The following SAMD12 variants were observed in gnomAD, a reference collection of about 807,000 sequenced individuals.
SAMD12 encodes sterile alpha motif domain-containing protein 12.
Under a neutral mutation model 15.0 loss-of-function variants are expected in SAMD12, and 9 were observed. That is an observed-to-expected ratio of 0.60 (90% CI 0.36 to 1.05). The LOEUF (loss-of-function observed/expected upper bound fraction) is 1.05, where lower values mean the gene tolerates loss of function less well. Among genes scored for constraint, SAMD12 ranks in the 50% least tolerant of loss-of-function variants. The probability of loss-of-function intolerance (pLI) is 0.01; values close to 1 mark genes in which losing one functional copy is unlikely to be tolerated. For synonymous variants in SAMD12, 86 were observed against 90.1 expected, an observed-to-expected ratio of 0.96 and a Z score of 0.25; for missense variants, 230 against 234.2, an observed-to-expected ratio of 0.98 and a Z score of 0.12.
chr8:118,566,985 C>T (rs1215886485), intron 2 of SAMD12, among the ~76,000 whole-genome samples: 4 of 152,020 alleles, frequency 2.6e-5, no homozygotes, highest in Non-Finnish European at 4.4e-5. Flanking sequence ...CATGTTTTTT[C>T]CAAACCACCT....
chr8:118,217,492 A>T (rs956826931), intron 4 of SAMD12, among the ~76,000 whole-genome samples: 3 of 152,214 alleles, frequency 2.0e-5, no homozygotes, highest in Non-Finnish European at 4.4e-5. Flanking sequence ...TGCTTGAAAT[A>T]TTTGGAAGAA....
At chr8:118,168,073 A>T in the SAMD12 span, among the ~76,000 whole-genome samples, 1 of 152,150 alleles carries the variant, frequency 6.6e-6, no homozygotes, top group African/African-American at 2.4e-5. Flanking sequence ...GTCTCATGAA[A>T]TCTGATGAAT....
exon 5 of SAMD12, chr8:118,192,419 G>A (rs1819431606): frequency 6.6e-6 from 1 of 152,140 alleles, no homozygotes; most frequent in Admixed American, 6.6e-5. Flanking sequence ...AACCAGCAGA[G>A]TCTTCAGTGT....
the SAMD12 span, among the ~76,000 whole-genome samples, chr8:118,166,456 AAAG>A: frequency 6.6e-6 from 1 of 152,340 alleles, no homozygotes; most frequent in East Asian, 1.9e-4. Flanking sequence ...TTAAAGCAAG[AAAG>A]AATACAAAAA....
At chr8:118,403,324 T>C (rs2130792749) in intron 3 of SAMD12, among the ~76,000 whole-genome samples, 1 of 152,198 alleles carries the variant, frequency 6.6e-6, no homozygotes. Flanking sequence ...TGATATACTT[T>C]TATAAATATT....
intron 2 of SAMD12, among the ~76,000 whole-genome samples, chr8:118,456,820 A>G (rs1387693206): frequency 6.6e-6 from 1 of 152,230 alleles, no homozygotes; most frequent in Non-Finnish European, 1.5e-5. Flanking sequence ...GTCACTGTAC[A>G]CTTTTTATTC....
At chr8:118,565,925 G>A (rs1056274853) in intron 2 of SAMD12, among the ~76,000 whole-genome samples, 2 of 152,048 alleles carry the variant, frequency 1.3e-5, no homozygotes, top group East Asian at 3.9e-4. Context: ...TCTCCATTTA[G>A]ACTGACACCA....
intron 2 of SAMD12, among the ~76,000 whole-genome samples, chr8:118,555,295 T>G (rs1010402105): frequency 7.3e-4 from 111 of 152,358 alleles, no homozygotes; most frequent in African/African-American, 2.5e-3. Context: ...CTTTGTTTTC[T>G]TTAAATCGCT....
At chr8:118,212,496 A>G (rs1350297992) in intron 4 of SAMD12, among the ~76,000 whole-genome samples, 6 of 152,350 alleles carry the variant, frequency 3.9e-5, no homozygotes, top group African/African-American at 1.4e-4. Context: ...ATAAGTAAAC[A>G]TTTTGGATGT....
In SAMD12 at chr8:118,396,080, T is replaced by C. The variant is rs1820551285; in HGVS notation, c.323-16380A>G. On this transcript the variant is annotated intron_variant, in intron 3 of 3. Coordinates refer to ENST00000314727, the MANE Select transcript of SAMD12 (RefSeq NM_207506.3). ...TGTCCATTCATTCTTCTTCCAGCAA[T>C]AAGGTGTTCAATAACTTATATTTTA... Among the ~76,000 whole-genome samples, 3 of 152,190 alleles carry C rather than the reference T, an allele frequency of 2.0e-5. No homozygotes were observed. In the South Asian group the frequency reaches 6.2e-4, roughly 31 times the overall value.
chr8:118,378,849 C>T lies in SAMD12; in HGVS notation c.*568G>A, dbSNP rs1819517025. 2 of 984,830 alleles carry T rather than the reference C, an allele frequency of 2.0e-6. No homozygotes were observed. Among genetic ancestry groups the T allele is most frequent in the Non-Finnish European group, 2.4e-6 (2 of 829,366 alleles). The allele number at this position is 984,830 out of a possible 1,614,324, so 61.0% of individuals were successfully genotyped here. On this transcript the variant is annotated 3_prime_UTR_variant, in exon 4 of 4. Transcript: ENST00000314727. ...TTCTAGCTTTATTTTGTCACTTCCA[C>T]AGTTATTGAGATCTTAAGTGCTCTC...
chr8:118,292,649 C>G (rs867278511), intron 4 of SAMD12, among the ~76,000 whole-genome samples: 2 of 151,716 alleles, frequency 1.3e-5, no homozygotes, highest in African/African-American at 2.4e-5. Context: ...TTGGAACCAA[C>G]CCAAATGTCC....
intron 2 of SAMD12, among the ~76,000 whole-genome samples, chr8:118,520,604 A>G (rs1825362916): frequency 6.6e-6 from 1 of 152,210 alleles, no homozygotes; most frequent in Non-Finnish European, 1.5e-5. Flanking sequence ...CAGGCTCTCA[A>G]TGGCAGAATA....
chr8:118,548,591 G>A lies in SAMD12; in HGVS notation c.192+32124C>T, dbSNP rs150022196. ...ACAGCTCCAGTCTACAGCTCCCAGC[G>A]TGAGCGACGCAGAAGACGGGTGATT... On this transcript the variant is annotated intron_variant, in intron 2 of 3. Coordinates refer to ENST00000314727, the MANE Select transcript of SAMD12 (RefSeq NM_207506.3). Among the ~76,000 whole-genome samples, 23 of 152,324 alleles carry A rather than the reference G, an allele frequency of 1.5e-4. No homozygotes were observed. The South Asian group carries it at 1.7e-3, about 11-fold the overall frequency.
intron 4 of SAMD12, among the ~76,000 whole-genome samples, chr8:118,203,065 A>C (rs1216177466): frequency 6.6e-6 from 1 of 152,212 alleles, no homozygotes; most frequent in African/African-American, 2.4e-5. Flanking sequence ...GAATGCATAG[A>C]GCTGGGACTA....
chr8:118,490,330 C>T (rs1157161650), intron 2 of SAMD12, among the ~76,000 whole-genome samples: 1 of 152,116 alleles, frequency 6.6e-6, no homozygotes, highest in African/African-American at 2.4e-5. Flanking sequence ...ATACTTCAAA[C>T]CAGCCACTAG....
In SAMD12 at chr8:118,605,692, C is replaced by T. The variant is rs571033008; in HGVS notation, c.13+16112G>A. Among the ~76,000 whole-genome samples the T allele has an allele frequency of 7.3e-5, 11 of 150,728 alleles. No individual in the cohort carries two copies. The South Asian group carries it at 2.1e-3, about 29-fold the overall frequency. ...AAGGAAATTGAGATAATAATCATCT[C>T]GTAGGATTATTGTGAGCAAGTAGGA... On this transcript the variant is annotated intron_variant, in intron 1 of 3. Coordinates refer to ENST00000314727, the MANE Select transcript of SAMD12 (RefSeq NM_207506.3).
At chr8:118,311,595 C>A (rs184591443) in intron 4 of SAMD12, among the ~76,000 whole-genome samples, 4 of 152,312 alleles carry the variant, frequency 2.6e-5, no homozygotes, top group Admixed American at 2.6e-4. Flanking sequence ...TGATTGAAAA[C>A]AAGACATAAA....
chr8:118,313,489 G>A (rs55648439), intron 4 of SAMD12, among the ~76,000 whole-genome samples: 14,012 of 152,100 alleles, frequency 0.092, 846 homozygotes, highest in Non-Finnish European at 0.12. Flanking sequence ...CCTACCTGCA[G>A]TGACTCTATT....
Sources: allele counts gnomAD v4.1 joint callset (sites outside exome capture counted in the v4.1 genomes callset), GRCh38; gene constraint gnomAD v4.1.1; transcripts MANE v1.5; gene names NCBI Gene and HGNC (gene_info 2026-07-23, HGNC 2026-07-21).